The following MTTP variants were observed in gnomAD, a reference collection of about 807,000 sequenced individuals.
MTTP encodes the protein microsomal triglyceride transfer protein large subunit.
Under a neutral mutation model 90.6 loss-of-function variants are expected in MTTP, and 49 were observed. The observed-to-expected ratio is 0.54, with a 90% CI of 0.43 to 0.69. MTTP has a LOEUF of 0.69. Ranked by LOEUF, MTTP falls within the 30% of genes least tolerant of loss-of-function variation. MTTP has a pLI of 0.00. For synonymous variants in MTTP, 347 were observed against 384.2 expected (o/e 0.90, Z 1.13); for missense variants, 945 against 1,067.5 (o/e 0.89, Z 1.60).
At chr4:99,580,679 C>A (rs899393801) in intron 1 of MTTP, among the ~76,000 whole-genome samples, 6 of 149,624 alleles carry the variant, frequency 4.0e-5, no homozygotes, top group Admixed American at 3.3e-4. Context: ...GTCTCTTCAT[C>A]TATAAAATGA....
chr4:99,575,077 GACTAA>G (rs1468800611), intron 1 of MTTP, 107 bp downstream of exon 1: 45 of 1,268,390 alleles, frequency 3.5e-5, no homozygotes, highest in Non-Finnish European at 4.9e-5. Flanking sequence ...AAGAGTTTCT[GACTAA>G]ACTATCTTCA....
At chr4:99,621,026 T>C (rs776893229) in intron 16 of MTTP, 35 bp from the exon 17 acceptor site, 11 of 1,597,650 alleles carry the variant, frequency 6.9e-6, no homozygotes, top group South Asian at 1.1e-5. Flanking sequence ...AAATATAATA[T>C]GAACAAGTTT....
In MTTP at chr4:99,622,814, C is replaced by T; in HGVS notation, c.2651C>T (p.Pro884Leu). 8.1e-6 allele frequency: 13 copies of T among 1,614,130 alleles called. No individual in the cohort carries two copies. Among genetic ancestry groups the T allele is most frequent in the Non-Finnish European group, 1.1e-5 (13 of 1,179,992 alleles). The stretch of plus-strand genomic sequence containing the variant: ...GAGATGTGCAAAGTGGTGTTTGCCC[C>T]TCAGCCGGATAGTACTTCCAGCGGA... ...NSEMCKVVFA[P>L]QPDSTSSGWF is the part of the protein sequence containing the mutation. The change falls in exon 18 of 18, where the codon CCT becomes CTT. Residue 884 changes from proline to leucine, a missense_variant. Physicochemically the swap from Pro to Leu is moderately conservative, Grantham distance 98. Coordinates refer to ENST00000265517, the MANE Select transcript of MTTP (RefSeq NM_001386140.1).
upstream of MTTP, among the ~76,000 whole-genome samples, chr4:99,573,381 C>T (rs535864445): frequency 1.3e-5 from 2 of 152,232 alleles, no homozygotes; most frequent in East Asian, 1.9e-4. Flanking sequence ...AATCCCTACT[C>T]TTCATAAAAA....
chr4:99,619,070 C>T lies in MTTP; in HGVS notation c.2314C>T (p.Arg772Cys), dbSNP rs1376017096. Residue 772 changes from arginine (R) to cysteine (C), a missense_variant, in exon 16 of 18, where the codon CGT (arginine) becomes TGT (cysteine). By Grantham distance (180) the Arg-to-Cys change is radical. Transcript: ENST00000265517. ...SGAMEFSLWY[R>C]ESKTRVKNRV... ...TGCAATGGAGTTTAGCTTGTGGTATCGTGAGTCTAAAACCCGAGTGAAAAA... is the reference window on the plus strand; with the variant it reads ...TGCAATGGAGTTTAGCTTGTGGTATTGTGAGTCTAAAACCCGAGTGAAAAA... 8 of 1,613,348 alleles carry T rather than the reference C, an allele frequency of 5.0e-6. No homozygotes were observed. Among genetic ancestry groups the T allele is most frequent in the African/African-American group, 2.7e-5 (2 of 74,860 alleles).
chr4:99,564,427 G>A (rs1472326522), intron 1 of MTTP: 1 of 570,810 alleles, frequency 1.8e-6, no homozygotes, highest in Non-Finnish European at 2.9e-6. Context: ...AATTCAAAAA[G>A]TGAGTCAGAT....
chr4:99,597,828 C>T (rs888046911), intron 8 of MTTP, among the ~76,000 whole-genome samples: 1 of 152,140 alleles, frequency 6.6e-6, no homozygotes, highest in Non-Finnish European at 1.5e-5. Context: ...CAAAACATTG[C>T]ATCTGTTTCT....
In MTTP at chr4:99,618,962, T is replaced by G; in HGVS notation, c.2218-12T>G. Reference sequence around the variant, plus strand: ...TTATTTTTATAACTATTATTATGCTTTTTTCTTCTAGGAACTTCAGTTACA... The same window carrying G: ...TTATTTTTATAACTATTATTATGCTGTTTTCTTCTAGGAACTTCAGTTACA... On this transcript the variant is annotated splice_polypyrimidine_tract_variant and intron_variant, in intron 15 of 17. Transcript: ENST00000265517. 6.2e-7 allele frequency: 1 copy of G among 1,610,582 alleles called. No individual in the cohort carries two copies. The highest frequency in any genetic ancestry group is 1.1e-5 in the South Asian group (1 of 90,938).
In MTTP at chr4:99,578,530, T is replaced by A. The variant is rs138425997; in HGVS notation, c.62-3375T>A. On this transcript the variant is annotated intron_variant, in intron 1 of 17. Transcript: ENST00000265517. Reference sequence around the variant, plus strand: ...AGGCTTTATCTCCTGTTGAAAGAGGTAGGAAACAGTTTGGAGGAATAAAGG... The same window carrying A: ...AGGCTTTATCTCCTGTTGAAAGAGGAAGGAAACAGTTTGGAGGAATAAAGG... 5.8e-3 allele frequency among the ~76,000 whole-genome samples: 888 copies of A among 152,274 alleles called. 7 individuals are homozygous for A. Among genetic ancestry groups the A allele is most frequent in the African/African-American group, 0.019 (789 of 41,540 alleles).
intron 2 of MTTP, 31 bp downstream of exon 2, chr4:99,582,123 A>T (rs1725135480): frequency 6.2e-7 from 1 of 1,611,488 alleles, no homozygotes; most frequent in African/African-American, 1.3e-5. Context: ...AAATGCAAAG[A>T]TTAGATATCA....
chr4:99,600,813 A>G, intron 9 of MTTP, 80 bp downstream of exon 9: 1 of 1,403,918 alleles, frequency 7.1e-7, no homozygotes, highest in South Asian at 1.2e-5. Flanking sequence ...AGTTTCTTAG[A>G]TCTGAATGAA....
chr4:99,590,933 C>CA (rs1416434392), intron 4 of MTTP, among the ~76,000 whole-genome samples: 1 of 151,854 alleles, frequency 6.6e-6, no homozygotes, highest in Admixed American at 6.6e-5. Context: ...CCCATTTATC[C>CA]AAAGTTTCAA....
intron 1 of MTTP, among the ~76,000 whole-genome samples, chr4:99,564,577 G>T (rs899135443): frequency 1.3e-5 from 2 of 152,032 alleles, no homozygotes; most frequent in African/African-American, 4.8e-5. Context: ...ACATTTCATT[G>T]TTTATAATAC....
intron 16 of MTTP, chr4:99,620,805 G>A: frequency 1.9e-6 from 1 of 517,616 alleles, no homozygotes; most frequent in Non-Finnish European, 3.5e-6. Context: ...GTATCTTACA[G>A]ACACTCCCCA....
In MTTP at chr4:99,591,280, G is replaced by C; in HGVS notation, c.547G>C (p.Asp183His). 2 of 1,614,024 alleles carry C rather than the reference G, an allele frequency of 1.2e-6. No individual in the cohort carries two copies. Among genetic ancestry groups the C allele is most frequent in the South Asian group, 2.2e-5 (2 of 91,080 alleles). The change falls in exon 5 of 18, where the codon GAC (aspartate) becomes CAC (histidine). Residue 183 changes from aspartate (D) to histidine (H), a missense_variant. Physicochemically the swap from Asp to His is moderately conservative, Grantham distance 81 (BLOSUM62 -1). Transcript: ENST00000265517. ...TAAAGTGACCTACCAGGCTCATCAA[G>C]ACAAAGTGATCAAAATTAAGGCCTT... ...NCKVTYQAHQDKVIKIKALDS... is the reference protein window; with the variant it reads ...NCKVTYQAHQHKVIKIKALDS...
At chr4:99,597,315 A>G in intron 8 of MTTP, 91 bp downstream of exon 8, 1 of 1,391,118 alleles carries the variant, frequency 7.2e-7, no homozygotes, top group Non-Finnish European at 1.0e-6. Flanking sequence ...TTTTAAACCA[A>G]CTGCCCCACC....
At chr4:99,612,012 T>C (rs1725968308) in intron 14 of MTTP, among the ~76,000 whole-genome samples, 1 of 152,206 alleles carries the variant, frequency 6.6e-6, no homozygotes, top group African/African-American at 2.4e-5. Context: ...TTTAGTGTTA[T>C]CCAAATTGAG....
At position 99,591,635 on chromosome 4, in the gene MTTP, C is replaced by CTATT; in HGVS notation, c.619-5_619-2dup. 6.2e-7 allele frequency: 1 copy of CTATT among 1,607,122 alleles called. No homozygotes were observed. The highest frequency in any genetic ancestry group is 8.5e-7 in the Non-Finnish European group (1 of 1,174,526). On this transcript the variant is annotated splice_polypyrimidine_tract_variant and intron_variant, in intron 5 of 17. Transcript: ENST00000265517. The stretch of plus-strand genomic sequence containing the variant: ...CGATGATTACTTGTTATAAAGATGG[C>CTATT]TATTTATTTATTTAGGTCTTGGGTG...
chr4:99,619,057 T>G lies in MTTP; in HGVS notation c.2301T>G (p.Phe767Leu). Residue 767 changes from phenylalanine (F) to leucine (L), a missense_variant, in exon 16 of 18, where the codon TTT (phenylalanine) becomes TTG (leucine). Physicochemically the swap from Phe to Leu is conservative, Grantham distance 22 (BLOSUM62 0). Transcript: ENST00000265517. ...LAIDISGAME[F>L]SLWYRESKTR... ...TTGATATTTCAGGTGCAATGGAGTT[T>G]AGCTTGTGGTATCGTGAGTCTAAAA... The G allele has an allele frequency of 6.2e-7, 1 of 1,613,664 alleles. No individual in the cohort carries two copies. The highest frequency in any genetic ancestry group is 8.5e-7 in the Non-Finnish European group (1 of 1,179,630).
Sources: allele counts gnomAD v4.1 joint callset (sites outside exome capture counted in the v4.1 genomes callset), GRCh38; gene constraint gnomAD v4.1.1; transcripts MANE v1.5; gene names NCBI Gene and HGNC (gene_info 2026-07-23, HGNC 2026-07-21).